Variants in WDR49 observed in about 807,000 individuals in gnomAD.
WDR49 encodes the protein WD repeat domain 49, also known as cilia- and flagella-associated protein 337.
In WDR49, 107 loss-of-function variants were observed where a neutral mutation model predicts 119.5. The ratio of observed to expected loss-of-function variants is 0.90; its 90% CI spans 0.77 to 1.05. The LOEUF (loss-of-function observed/expected upper bound fraction) is 1.05, where lower values mean the gene tolerates loss of function less well. WDR49 is among the 50% of genes least tolerant of loss of function. The pLI, the probability that WDR49 is intolerant of heterozygous loss-of-function variation, is 0.00. For missense variants in WDR49, 1,240 were observed against 1,220.5 expected (o/e 1.02, Z -0.24); for synonymous variants, 425 against 418.8 (o/e 1.01, Z -0.18).
At chr3:167,516,334 G>A (rs1159961583) in intron 16 of WDR49, among the ~76,000 whole-genome samples, 1 of 145,862 alleles carries the variant, frequency 6.9e-6, no homozygotes, top group Non-Finnish European at 1.5e-5. Context: ...CCACCTATGA[G>A]TGAGAACATG....
intron 7 of WDR49, among the ~76,000 whole-genome samples, chr3:167,578,277 T>C (rs2108285870): frequency 6.6e-6 from 1 of 152,282 alleles, no homozygotes; most frequent in Admixed American, 6.5e-5. Context: ...AAAACCATGG[T>C]AAGATGCGTC....
chr3:167,587,691 C>T (rs1302364973), intron 7 of WDR49, among the ~76,000 whole-genome samples: 1 of 152,026 alleles, frequency 6.6e-6, no homozygotes, highest in Non-Finnish European at 1.5e-5. Context: ...TCCATGTTGC[C>T]TAGGCTGATC....
chr3:167,559,767 T>C (rs913929342), intron 9 of WDR49, among the ~76,000 whole-genome samples: 48 of 152,334 alleles, frequency 3.2e-4, no homozygotes, highest in African/African-American at 1.1e-3. Context: ...AGGCATCGTA[T>C]TCCCCAAAGT....
intron 2 of WDR49, among the ~76,000 whole-genome samples, chr3:167,650,075 T>TA (rs1265110988): frequency 3.9e-5 from 6 of 152,028 alleles, no homozygotes; most frequent in African/African-American, 1.5e-4. Flanking sequence ...ATGGAGAATG[T>TA]AAAAAAAGAA....
chr3:167,567,380 T>C lies in WDR49; in HGVS notation c.1510-7152A>G, dbSNP rs11920704. ...AATTCATATCTTGAAACCCTTCACC[T>C]CTTCCCCATTCCCACCTTTTTTGCC... is the stretch of plus-strand genomic sequence containing the variant. On this transcript the variant is annotated intron_variant, in intron 8 of 18. Transcript: ENST00000682715. 4.9e-3 allele frequency among the ~76,000 whole-genome samples: 748 copies of C among 152,332 alleles called. 8 individuals are homozygous for C. Among genetic ancestry groups the C allele is most frequent in the African/African-American group, 0.017 (723 of 41,578 alleles).
intron 5 of WDR49, 128 bp from the exon 6 acceptor site, chr3:167,604,596 TA>T (rs1351760967): frequency 3.3e-6 from 3 of 921,646 alleles, no homozygotes; most frequent in East Asian, 5.4e-5. Context: ...AACTGATACT[TA>T]AAAAACACCT....
intron 8 of WDR49, among the ~76,000 whole-genome samples, chr3:167,560,495 T>C (rs568624893): frequency 9.8e-5 from 15 of 152,300 alleles, no homozygotes; most frequent in Middle Eastern, 3.4e-3. Flanking sequence ...TAGAGGCCAT[T>C]CCGAAATCAA....
intron 11 of WDR49, among the ~76,000 whole-genome samples, chr3:167,536,362 TTATG>T (rs1339893344): frequency 6.6e-6 from 1 of 152,030 alleles, no homozygotes; most frequent in African/African-American, 2.4e-5. Context: ...ATTATTAATA[TTATG>T]TGTCAATCAT....
chr3:167,519,167 A>T (rs547655626), intron 16 of WDR49, among the ~76,000 whole-genome samples: 1 of 152,302 alleles, frequency 6.6e-6, no homozygotes, highest in African/African-American at 2.4e-5. Context: ...ATGCTTTTGC[A>T]CTGTTGATGG....
At chr3:167,655,284 C>G (rs77661519), upstream of WDR49, among the ~76,000 whole-genome samples, 3,845 of 152,254 alleles carry the variant, frequency 0.025, 153 homozygotes, top group African/African-American at 0.089. Context: ...CTGGCCACGC[C>G]CTTGTCATGT....
intron 10 of WDR49, among the ~76,000 whole-genome samples, chr3:167,545,877 C>T (rs1194366437): frequency 7.0e-6 from 1 of 143,864 alleles, no homozygotes; most frequent in Non-Finnish European, 1.5e-5. Flanking sequence ...AAATAAAAAG[C>T]AAATAAATAA....
At chr3:167,482,850 C>T (rs1250932508) in intron 18 of WDR49, among the ~76,000 whole-genome samples, 4 of 151,980 alleles carry the variant, frequency 2.6e-5, no homozygotes, top group Admixed American at 6.6e-5. Context: ...ATAAATGATA[C>T]AATTGACAAA....
At chr3:167,550,778 TGAGAGA>T (rs757566403) in intron 10 of WDR49, among the ~76,000 whole-genome samples, 10 of 144,016 alleles carry the variant, frequency 6.9e-5, no homozygotes, top group Non-Finnish European at 1.5e-4. Flanking sequence ...TTTTTTTTTT[TGAGAGA>T]GAGAGAGAGA....
chr3:167,494,565 T>C (rs983297323), intron 18 of WDR49, among the ~76,000 whole-genome samples: 5 of 152,172 alleles, frequency 3.3e-5, no homozygotes, highest in Non-Finnish European at 5.9e-5. Context: ...ATTCCAGAGA[T>C]GGTAGGGCCC....
At chr3:167,566,280 G>C (rs2108275355) in intron 8 of WDR49, among the ~76,000 whole-genome samples, 1 of 152,230 alleles carries the variant, frequency 6.6e-6, no homozygotes, top group East Asian at 1.9e-4. Context: ...AGAGTTCTAA[G>C]GACAAGGTGA....
At chr3:167,512,671 AG>A (rs1357675049) in intron 16 of WDR49, among the ~76,000 whole-genome samples, 1 of 152,250 alleles carries the variant, frequency 6.6e-6, no homozygotes, top group Admixed American at 6.5e-5. Context: ...CTGAGGTAAA[AG>A]AGTATGTTCT....
At chr3:167,588,152 A>T (rs970859687) in intron 7 of WDR49, among the ~76,000 whole-genome samples, 3 of 151,974 alleles carry the variant, frequency 2.0e-5, no homozygotes, top group African/African-American at 7.3e-5. Flanking sequence ...TATCTCCATC[A>T]GTTCAATTGT....
rs1348934952 is a variant in WDR49, at chr3:167,549,875, G to A, written c.1823+4775C>T. ...CATCTTGAATTAATTTTTGTATAAG[G>A]TGTAAGGAAGGGATCCAGTTTCAGC... On this transcript the variant is annotated intron_variant, in intron 10 of 18. Transcript: ENST00000682715. Among the ~76,000 whole-genome samples the A allele has an allele frequency of 2.0e-5, 3 of 152,220 alleles. No individual in the cohort carries two copies. The East Asian group carries it at 5.8e-4, about 29-fold the overall frequency.
intron 3 of WDR49, among the ~76,000 whole-genome samples, chr3:167,623,590 C>T (rs1716969242): frequency 6.8e-6 from 1 of 147,778 alleles, no homozygotes; most frequent in African/African-American, 2.5e-5. Context: ...CTACAGCTGA[C>T]ATCATACATA....
Sources: allele counts gnomAD v4.1 joint callset (sites outside exome capture counted in the v4.1 genomes callset), GRCh38; gene constraint gnomAD v4.1.1; transcripts MANE v1.5; gene names NCBI Gene and HGNC (gene_info 2026-07-23, HGNC 2026-07-21).